The following UGT1A9 variants were observed in gnomAD, a reference collection of about 807,000 sequenced individuals.
The protein encoded by UGT1A9 is UDP-glucuronosyltransferase 1A9.
A neutral mutation model predicts 45.0 loss-of-function variants in UGT1A9; 35 were observed. The observed-to-expected ratio is 0.78, with a 90% confidence interval of 0.59 to 1.03. The LOEUF (loss-of-function observed/expected upper bound fraction) is 1.03, where lower values mean the gene tolerates loss of function less well. UGT1A9 is among the 50% of genes least tolerant of loss of function. The pLI is 0.00. For missense variants in UGT1A9, 687 were observed against 666.6 expected (o/e 1.03, Z -0.34); for synonymous variants, 278 against 250.6 (o/e 1.11, Z -1.03).
intron 1 of UGT1A9, chr2:233,755,152 C>G: frequency 1.5e-6 from 2 of 1,299,966 alleles, no homozygotes; most frequent in Non-Finnish European, 2.1e-6. Flanking sequence ...ACCGCTTCCT[C>G]CCTGTCCTCG....
intron 1 of UGT1A9, among the ~76,000 whole-genome samples, chr2:233,710,586 G>C (rs947455751): frequency 1.3e-5 from 2 of 152,000 alleles, no homozygotes; most frequent in Non-Finnish European, 2.9e-5. Flanking sequence ...AAAATCTTCC[G>C]CACACCTTTA....
chr2:233,698,878 C>T (rs958200005), intron 1 of UGT1A9, among the ~76,000 whole-genome samples: 1 of 152,216 alleles, frequency 6.6e-6, no homozygotes, highest in Non-Finnish European at 1.5e-5. Flanking sequence ...GCGACTTTGA[C>T]CAAAGCCTTA....
chr2:233,718,187 C>G (rs1403409338), intron 1 of UGT1A9, among the ~76,000 whole-genome samples: 2 of 152,200 alleles, frequency 1.3e-5, no homozygotes, highest in Non-Finnish European at 2.9e-5. Flanking sequence ...TGAGCTCAGC[C>G]TCCCCGGAGC....
At chr2:233,760,250 G>T in intron 1 of UGT1A9, 1 of 1,601,220 alleles carries the variant, frequency 6.2e-7, no homozygotes. Context: ...ATATATATAA[G>T]TAGGAGAGGG....
In UGT1A9 at chr2:233,769,857, C is replaced by CAAA. The variant is rs879204025; in HGVS notation, c.1295+1433_1295+1435dup. 4.7e-4 allele frequency: 105 copies of CAAA among 224,472 alleles called. No individual in the cohort carries two copies. Among genetic ancestry groups the CAAA allele is most frequent in the South Asian group, 1.3e-3 (12 of 9,146 alleles). The allele number at this position is 224,472 out of a possible 1,614,324, so 13.9% of individuals were successfully genotyped here. ...TGGGCAACAGAGTGAGACCCTGTCT[C>CAAA]AAAAAAAAAAAAAAAAATGAAAAGT... On this transcript the variant is annotated intron_variant, in intron 4 of 4. Coordinates refer to ENST00000354728, the MANE Select transcript of UGT1A9 (RefSeq NM_021027.3). This position sits in a 1 kb window ranked among gnomAD's most constrained non-coding sequence, Gnocchi z 4.4.
At chr2:233,738,135 C>T (rs965313683) in intron 1 of UGT1A9, among the ~76,000 whole-genome samples, 2 of 152,178 alleles carry the variant, frequency 1.3e-5, no homozygotes, top group African/African-American at 4.8e-5. Context: ...GGGCCCTTAT[C>T]CCTTCACTTG....
In UGT1A9 at chr2:233,677,905, A is replaced by G. The variant is rs151269635; in HGVS notation, c.855+5116A>G. On this transcript the variant is annotated intron_variant, in intron 1 of 4. Coordinates refer to ENST00000354728, the MANE Select transcript of UGT1A9 (RefSeq NM_021027.3). ...TGCAGCTCTATTCAGAATAGAAAAG[A>G]CATGAAATCAACCTAGGTGCCCGTC... 8.3e-3 allele frequency among the ~76,000 whole-genome samples: 1,260 copies of G among 151,052 alleles called. 1 individual carries two copies. Among genetic ancestry groups the G allele is most frequent in the Admixed American group, 0.013 (202 of 15,102 alleles).
In UGT1A9 at chr2:233,672,364, G is replaced by T. The variant is rs757285311; in HGVS notation, c.430G>T (p.Ala144Ser). 1 of 1,613,980 alleles carries T rather than the reference G, an allele frequency of 6.2e-7. No homozygotes were observed. Among genetic ancestry groups the T allele is most frequent in the Non-Finnish European group, 8.5e-7 (1 of 1,180,006 alleles). The change falls in exon 1 of 5, where the codon GCA (alanine) becomes TCA (serine). Residue 144 changes from alanine (A) to serine (S), a missense_variant. Transcript: ENST00000354728. Reference protein sequence around the residue: ...VEYLKESSFDAVFLDPFDNCG... With the variant: ...VEYLKESSFDSVFLDPFDNCG... ...ATACTTAAAGGAGAGTTCTTTTGATGCAGTGTTTCTCGATCCTTTTGATAA... is the reference window on the plus strand; with the variant it reads ...ATACTTAAAGGAGAGTTCTTTTGATTCAGTGTTTCTCGATCCTTTTGATAA...
chr2:233,729,326 T>C (rs370995578), intron 1 of UGT1A9: 82 of 1,614,128 alleles, frequency 5.1e-5, no homozygotes, highest in Non-Finnish European at 6.7e-5. Flanking sequence ...GAGGTGAATA[T>C]GCACATCAAA....
At position 233,685,517 on chromosome 2, in the gene UGT1A9, G is replaced by A. The variant is rs996449666; in HGVS notation, c.855+12728G>A. Among the ~76,000 whole-genome samples, 3 of 152,184 alleles carry A rather than the reference G, an allele frequency of 2.0e-5. No individual in the cohort carries two copies. The East Asian group carries it at 5.8e-4, about 29-fold the overall frequency. ...GTGGTTACAGCAAGAAAAGATCTATGCTTTCCCCATTGCTCTCGCATTCTG... is the reference window on the plus strand; with the variant it reads ...GTGGTTACAGCAAGAAAAGATCTATACTTTCCCCATTGCTCTCGCATTCTG... On this transcript the variant is annotated intron_variant, in intron 1 of 4. Coordinates refer to ENST00000354728, the MANE Select transcript of UGT1A9 (RefSeq NM_021027.3).
intron 1 of UGT1A9, among the ~76,000 whole-genome samples, chr2:233,700,285 C>T (rs1355294165): frequency 6.6e-6 from 1 of 152,200 alleles, no homozygotes; most frequent in Non-Finnish European, 1.5e-5. Flanking sequence ...TTTTAAAATA[C>T]GTGACTTAGG....
intron 1 of UGT1A9, among the ~76,000 whole-genome samples, chr2:233,761,318 C>T (rs1697742330): frequency 6.6e-6 from 1 of 152,218 alleles, no homozygotes; most frequent in South Asian, 2.1e-4. Context: ...TTGGCATCAT[C>T]TTCTGGATGA....
At chr2:233,765,652 G>T (rs2126018835) in intron 1 of UGT1A9, among the ~76,000 whole-genome samples, 1 of 151,820 alleles carries the variant, frequency 6.6e-6, no homozygotes, top group East Asian at 1.9e-4. Context: ...GTCAATAGGT[G>T]CAGCAAACCA....
chr2:233,772,368 G>C lies in UGT1A9; in HGVS notation c.1402G>C (p.Ala468Pro). Reference protein sequence around the residue: ...WVEFVMRHKGAPHLRPAAHDL... With the variant: ...WVEFVMRHKGPPHLRPAAHDL... Reference sequence around the variant, plus strand: ...GGAGTTTGTGATGAGGCACAAGGGCGCGCCACACCTGCGCCCCGCAGCCCA... The same window carrying C: ...GGAGTTTGTGATGAGGCACAAGGGCCCGCCACACCTGCGCCCCGCAGCCCA... Residue 468 changes from alanine (A) to proline (P), a missense_variant, in exon 5 of 5, where the codon GCG (alanine) becomes CCG (proline). Coordinates refer to ENST00000354728, the MANE Select transcript of UGT1A9 (RefSeq NM_021027.3). 6.2e-7 allele frequency: 1 copy of C among 1,614,220 alleles called. No homozygotes were observed. The highest frequency in any genetic ancestry group is 1.1e-5 in the South Asian group (1 of 91,078).
rs370892808 is a variant in UGT1A9, at chr2:233,760,466, T to C, written c.856-6568T>C. The stretch of plus-strand genomic sequence containing the variant: ...CAGAGGGGACATGAAATAGTTGTCC[T>C]AGCACCTGACGCCTCGTTGTACATC... On this transcript the variant is annotated intron_variant, in intron 1 of 4. Transcript: ENST00000354728. The C allele has an allele frequency of 1.9e-6, 3 of 1,614,232 alleles. No homozygotes were observed. The highest frequency in any genetic ancestry group is 1.7e-6 in the Non-Finnish European group (2 of 1,180,032).
rs368860136 is a variant in UGT1A9 at position 233,772,310 on chromosome 2, G to C, written c.1344G>C (p.Pro448=). 4.6e-5 allele frequency: 74 copies of C among 1,614,210 alleles called. 1 individual carries two copies. The South Asian group carries it at 7.0e-4, about 15-fold the overall frequency. The part of the protein sequence containing the change: ...MRLSSLHKDR[P]VEPLDLAVFW... Reference sequence around the variant, plus strand: ...TCTCCAGCCTTCACAAGGACCGCCCGGTGGAGCCGCTGGACCTGGCCGTGT... The same window carrying C: ...TCTCCAGCCTTCACAAGGACCGCCCCGTGGAGCCGCTGGACCTGGCCGTGT... The change falls in exon 5 of 5, where the codon CCG becomes CCC. Residue 448 remains proline, a synonymous_variant. Transcript: ENST00000354728.
At chr2:233,724,293 C>G (rs1226718888) in intron 1 of UGT1A9, among the ~76,000 whole-genome samples, 3 of 135,034 alleles carry the variant, frequency 2.2e-5, no homozygotes, top group South Asian at 2.6e-4. Flanking sequence ...GGGGGCTGAC[C>G]CCCCCACCTC....
intron 1 of UGT1A9, chr2:233,721,729 A>C (rs1210902103): frequency 4.9e-6 from 2 of 408,012 alleles, no homozygotes; most frequent in Non-Finnish European, 9.8e-6. Flanking sequence ...TACTTGGATA[A>C]GCTTAATGAT....
At chr2:233,709,864 C>A (rs1389080873) in intron 1 of UGT1A9, among the ~76,000 whole-genome samples, 2 of 152,210 alleles carry the variant, frequency 1.3e-5, no homozygotes, top group Non-Finnish European at 2.9e-5. Context: ...ACGGAGCACT[C>A]CATTACCCAG....
Sources: gnomAD v4.1 joint callset for allele counts (sites outside exome capture counted in the v4.1 genomes callset) on GRCh38, gnomAD v4.1.1 for gene constraint, Gnocchi (gnomAD v3.1) non-coding constraint, MANE v1.5 for transcripts, NCBI Gene and HGNC (gene_info 2026-07-23, HGNC 2026-07-21) for gene names.